Variants in FOXP2 observed in about 807,000 individuals in gnomAD.
FOXP2 encodes the protein forkhead box P2.
FOXP2 carries 12 observed loss-of-function variants against 115.8 expected under a neutral mutation model. The observed-to-expected ratio is 0.10, with a 90% CI of 0.07 to 0.17. The LOEUF is 0.17. Among genes scored for constraint, FOXP2 ranks in the 10% least tolerant of loss-of-function variants. FOXP2 has a pLI of 1.00. For missense variants in FOXP2, 629 were observed against 843.5 expected, an observed-to-expected ratio of 0.75 and a Z score of 3.15; for synonymous variants, 328 against 297.7, an observed-to-expected ratio of 1.10 and a Z score of -1.05.
chr7:114,117,295 C>T (rs1791436031), intron 1 of FOXP2, among the ~76,000 whole-genome samples: 4 of 151,152 alleles, frequency 2.6e-5, no homozygotes, highest in African/African-American at 9.7e-5. Context: ...GATCTCAGCT[C>T]ACTGCAATCT....
chr7:114,333,283 G>A (rs1030902223), intron 2 of FOXP2, among the ~76,000 whole-genome samples: 10 of 152,098 alleles, frequency 6.6e-5, no homozygotes, highest in African/African-American at 1.9e-4. Flanking sequence ...CTTCCATTTC[G>A]TTTAGTTTGG....
At chr7:114,110,454 C>A (rs924763340) in intron 1 of FOXP2, among the ~76,000 whole-genome samples, 1 of 152,122 alleles carries the variant, frequency 6.6e-6, no homozygotes, top group African/African-American at 2.4e-5. Flanking sequence ...CAACTTGTAA[C>A]ATGAAAAAAG....
intron 1 of FOXP2, among the ~76,000 whole-genome samples, chr7:114,273,257 T>G (rs1019345349): frequency 1.3e-5 from 2 of 152,070 alleles, no homozygotes; most frequent in African/African-American, 4.8e-5. Context: ...TTTAGTTATC[T>G]TCCTGTTGTT....
At chr7:114,344,346 T>C (rs969359234) in intron 2 of FOXP2, among the ~76,000 whole-genome samples, 1 of 151,762 alleles carries the variant, frequency 6.6e-6, no homozygotes, top group Non-Finnish European at 1.5e-5. Context: ...TTGTACAAAA[T>C]GACATGTTAC....
intron 3 of FOXP2, among the ~76,000 whole-genome samples, chr7:114,551,600 A>C (rs1355587173): frequency 6.6e-6 from 1 of 152,190 alleles, no homozygotes; most frequent in Non-Finnish European, 1.5e-5. Flanking sequence ...AGGGATATTT[A>C]AGTATGAAAA....
intron 3 of FOXP2, among the ~76,000 whole-genome samples, chr7:114,619,219 G>C (rs1584957463): frequency 6.6e-6 from 1 of 151,852 alleles, no homozygotes; most frequent in South Asian, 2.1e-4. Flanking sequence ...ATAATTGTTT[G>C]AAAAAAGAAA....
In FOXP2 at chr7:114,294,091, T is replaced by C. The variant is rs73716388; in HGVS notation, c.-11+5982T>C. The stretch of plus-strand genomic sequence containing the variant: ...ATATGTAATAGAAGAGATAGGTATG[T>C]ATATTTACAAGATAGCCAAATGGAA... On this transcript the variant is annotated intron_variant, in intron 2 of 17. Coordinates refer to the FOXP2 transcript ENST00000634411. 9.1e-3 allele frequency among the ~76,000 whole-genome samples: 1,379 copies of C among 152,312 alleles called. 18 individuals are homozygous for C. Among genetic ancestry groups the C allele is most frequent in the African/African-American group, 0.031 (1,300 of 41,564 alleles).
intron 3 of FOXP2, among the ~76,000 whole-genome samples, chr7:114,605,772 C>T (rs1803286171): frequency 6.6e-6 from 1 of 152,128 alleles, no homozygotes. Flanking sequence ...GGACATGGAC[C>T]TGGAAAGGAG....
At chr7:114,476,401 G>A (rs1796263366) in intron 2 of FOXP2, among the ~76,000 whole-genome samples, 1 of 151,756 alleles carries the variant, frequency 6.6e-6, no homozygotes. Context: ...GCTTATTTTT[G>A]TTGACTTTGT....
At chr7:114,125,929 A>T (rs1258513104) in intron 1 of FOXP2, among the ~76,000 whole-genome samples, 1 of 152,150 alleles carries the variant, frequency 6.6e-6, no homozygotes, top group Non-Finnish European at 1.5e-5. Flanking sequence ...ATGTTACCTT[A>T]GTTTAGTGAA....
chr7:114,344,935 C>A (rs1451423721), intron 2 of FOXP2, among the ~76,000 whole-genome samples: 1 of 151,388 alleles, frequency 6.6e-6, no homozygotes, highest in Non-Finnish European at 1.5e-5. Flanking sequence ...CACCATTTCC[C>A]TTTTCATTTT....
At chr7:114,322,181 C>T (rs1299773823) in intron 2 of FOXP2, among the ~76,000 whole-genome samples, 1 of 151,714 alleles carries the variant, frequency 6.6e-6, no homozygotes, top group East Asian at 2.0e-4. Context: ...TGCCACCATG[C>T]CCAGCTAATA....
intron 3 of FOXP2, among the ~76,000 whole-genome samples, chr7:114,544,288 C>A (rs1799815414): frequency 6.6e-6 from 1 of 152,110 alleles, no homozygotes; most frequent in South Asian, 2.1e-4. Flanking sequence ...GGATTCTGAA[C>A]TAAGGATTTT....
chr7:114,655,108 G>A (rs1420980925), intron 10 of FOXP2, among the ~76,000 whole-genome samples: 2 of 151,980 alleles, frequency 1.3e-5, no homozygotes, highest in African/African-American at 4.8e-5. Flanking sequence ...ACTCTAAAAT[G>A]TCTGAGTTTT....
chr7:114,441,515 A>G lies in FOXP2; in HGVS notation c.168+14836A>G, dbSNP rs961359833. Among the ~76,000 whole-genome samples, 11 of 152,288 alleles carry G rather than the reference A, an allele frequency of 7.2e-5. No homozygotes were observed. The South Asian group carries it at 1.0e-3, about 14-fold the overall frequency. On this transcript the variant is annotated intron_variant, in intron 2 of 16. Transcript: ENST00000350908. ...TAGTTCACAAATCGTCAATGATTTT[A>G]AATAAATAATCACAGCTTTAAATAC...
chr7:114,105,563 TTTC>T (rs1791088970), intron 1 of FOXP2, among the ~76,000 whole-genome samples: 2 of 152,032 alleles, frequency 1.3e-5, no homozygotes, highest in African/African-American at 4.8e-5. Flanking sequence ...CCAGATGCAG[TTTC>T]TTCTTTTGTA....
intron 2 of FOXP2, among the ~76,000 whole-genome samples, chr7:114,441,484 A>G (rs1242776110): frequency 1.3e-5 from 2 of 152,114 alleles, no homozygotes; most frequent in East Asian, 1.9e-4. Flanking sequence ...ATGTCCACTC[A>G]TTTCTTAGTT....
chr7:114,556,893 T>C (rs1800488642), intron 3 of FOXP2, among the ~76,000 whole-genome samples: 1 of 152,340 alleles, frequency 6.6e-6, no homozygotes, highest in South Asian at 2.1e-4. Context: ...AATTAGTAAC[T>C]TTAAAGATCT....
At chr7:114,287,050 G>A (rs1796483069) in intron 1 of FOXP2, among the ~76,000 whole-genome samples, 1 of 151,954 alleles carries the variant, frequency 6.6e-6, no homozygotes, top group Non-Finnish European at 1.5e-5. Flanking sequence ...AGAACTTCCT[G>A]TGGCAGATTC....
Sources: allele counts gnomAD v4.1 joint callset (sites outside exome capture counted in the v4.1 genomes callset), GRCh38; gene constraint gnomAD v4.1.1; transcripts MANE v1.5; gene names NCBI Gene and HGNC (gene_info 2026-07-23, HGNC 2026-07-21).